USP13: variants seen among roughly 807,000 people sequenced by gnomAD.
The protein encoded by USP13 is ubiquitin carboxyl-terminal hydrolase 13.
Under a neutral mutation model 107.8 loss-of-function variants are expected in USP13, and 68 were observed. The observed-to-expected ratio is 0.63, with a 90% CI of 0.52 to 0.77. The LOEUF (loss-of-function observed/expected upper bound fraction) is 0.77. Ranked by LOEUF, USP13 falls within the 30% of genes least tolerant of loss-of-function variation. The probability of loss-of-function intolerance (pLI) is 0.00; values close to 1 mark genes in which losing one functional copy is unlikely to be tolerated. For missense variants in USP13, 945 were observed against 1,093.3 expected (o/e 0.86, Z 1.91); for synonymous variants, 377 against 389.5 (o/e 0.97, Z 0.38).
Position 179,664,916 on chromosome 3 carries a change from C to T in USP13, c.168+11523C>T, listed in dbSNP as rs149403088. ...CAGCCTGGCCAACATGGTGAAACTC[C>T]GTCTCTACTAAAAATACAAAACTTA... On this transcript the variant is annotated intron_variant, in intron 1 of 20. Transcript: ENST00000263966. Among the ~76,000 whole-genome samples the T allele has an allele frequency of 5.3e-5, 8 of 152,072 alleles. No individual in the cohort carries two copies. The East Asian group carries it at 1.4e-3, about 26-fold the overall frequency.
Position 179,653,188 on chromosome 3 carries a change from C to G in USP13, c.-38C>G. 1 of 1,243,398 alleles carries G rather than the reference C, an allele frequency of 8.0e-7. No individual in the cohort carries two copies. The highest frequency in any genetic ancestry group is 1.0e-6 in the Non-Finnish European group (1 of 988,734). 77.0% of individuals were successfully genotyped at this position (1,243,398 alleles called of 1,614,324 possible). Reference sequence around the variant, plus strand: ...CGCCGGCAGACCCCGCGCTCCGGCTCCGGCTCGGCTCGCTCGGCTCCGGTG... The same window carrying G: ...CGCCGGCAGACCCCGCGCTCCGGCTGCGGCTCGGCTCGCTCGGCTCCGGTG... On this transcript the variant is annotated 5_prime_UTR_variant, in exon 1 of 21. Transcript: ENST00000263966. The surrounding 1 kb of genome is among the most constrained non-coding windows in gnomAD (Gnocchi z 4.0).
intron 8 of USP13, among the ~76,000 whole-genome samples, chr3:179,728,906 T>TACCC (rs138576420): frequency 0.23 from 34,861 of 151,418 alleles, 4,293 homozygotes; most frequent in Admixed American, 0.32. Context: ...CAGGCAGCAG[T>TACCC]ACCGTCCAGC....
chr3:179,774,322 A>C (rs980682379), intron 19 of USP13, among the ~76,000 whole-genome samples: 1 of 152,172 alleles, frequency 6.6e-6, no homozygotes, highest in African/African-American at 2.4e-5. Flanking sequence ...GGTCTCACTG[A>C]CTTCGAGAAT....
chr3:179,688,366 C>A (rs1711971641), intron 2 of USP13, among the ~76,000 whole-genome samples: 2 of 152,174 alleles, frequency 1.3e-5, no homozygotes, highest in South Asian at 4.1e-4. Context: ...TTTTTTGAAT[C>A]TTTCTTAGCA....
chr3:179,765,986 T>C, intron 19 of USP13, 138 bp downstream of exon 19: 3 of 1,067,824 alleles, frequency 2.8e-6, no homozygotes, highest in Non-Finnish European at 3.8e-6. Flanking sequence ...CGTTTTTTTT[T>C]TTTTTCTTTT....
intron 19 of USP13, among the ~76,000 whole-genome samples, chr3:179,773,859 G>C (rs574916473): frequency 6.6e-6 from 1 of 152,220 alleles, no homozygotes; most frequent in African/African-American, 2.4e-5. Flanking sequence ...TGTTCTACTG[G>C]ACAGAATTTT....
rs543058279 is a variant in USP13 at position 179,748,638 on chromosome 3, A to G, written c.1709+3421A>G. 1.3e-4 allele frequency among the ~76,000 whole-genome samples: 20 copies of G among 152,340 alleles called. No homozygotes were observed. In the South Asian group the frequency reaches 4.1e-3, roughly 32 times the overall value. On this transcript the variant is annotated intron_variant, in intron 13 of 20. Coordinates refer to ENST00000263966, the MANE Select transcript of USP13 (RefSeq NM_003940.3). ...ATTCACCCAGCAAATATTATTGCTC[A>G]CTTAGTATATTCTAGGCAATGGGTT... is the stretch of plus-strand genomic sequence containing the variant.
At chr3:179,758,418 G>T (rs1473362417) in intron 16 of USP13, among the ~76,000 whole-genome samples, 6 of 152,038 alleles carry the variant, frequency 3.9e-5, no homozygotes, top group Non-Finnish European at 7.4e-5. Flanking sequence ...TTTCCTCCTG[G>T]ATCTAAGCAT....
chr3:179,774,298 A>G (rs1375982743), intron 19 of USP13, among the ~76,000 whole-genome samples: 2 of 152,152 alleles, frequency 1.3e-5, no homozygotes, highest in Non-Finnish European at 2.9e-5. Flanking sequence ...TATGTCCGGA[A>G]TTGGTGGGTT....
At chr3:179,756,064 G>T (rs1315340953) in intron 15 of USP13, among the ~76,000 whole-genome samples, 1 of 152,230 alleles carries the variant, frequency 6.6e-6, no homozygotes, top group Non-Finnish European at 1.5e-5. Flanking sequence ...TGGTTTATTA[G>T]TACTGCTCCA....
chr3:179,718,751 T>G (rs1210428903), intron 6 of USP13, among the ~76,000 whole-genome samples: 1 of 152,032 alleles, frequency 6.6e-6, no homozygotes, highest in Non-Finnish European at 1.5e-5. Context: ...GGGCTCAAGA[T>G]TCTGCATTTC....
chr3:179,712,900 A>G (rs1004522773), intron 6 of USP13, among the ~76,000 whole-genome samples: 3 of 151,736 alleles, frequency 2.0e-5, no homozygotes, highest in Admixed American at 6.6e-5. Flanking sequence ...CTAATCTGGT[A>G]TCTTGTTTTA....
Position 179,784,457 on chromosome 3 carries a change from C to A in USP13, c.*316C>A. 1 of 217,438 alleles carries A rather than the reference C, an allele frequency of 4.6e-6. No individual in the cohort carries two copies. The highest frequency in any genetic ancestry group is 9.1e-6 in the Non-Finnish European group (1 of 109,356). The allele number at this position is 217,438 out of a possible 1,614,324, so 13.5% of individuals were successfully genotyped here. ...CACATCAAAAATGGGGATGTGCCCC[C>A]AGCCCTCTATTTTGCTTTGGGGGTC... On this transcript the variant is annotated 3_prime_UTR_variant, in exon 21 of 21. Transcript: ENST00000263966.
intron 19 of USP13, among the ~76,000 whole-genome samples, chr3:179,780,539 G>A (rs1055440299): frequency 3.3e-5 from 5 of 152,104 alleles, no homozygotes; most frequent in African/African-American, 4.8e-5. Context: ...GGATAGGGGG[G>A]GAAGAAGAAG....
chr3:179,720,361 G>A (rs1203971684), intron 7 of USP13, among the ~76,000 whole-genome samples: 1 of 152,128 alleles, frequency 6.6e-6, no homozygotes, highest in Non-Finnish European at 1.5e-5. Context: ...GATGGTGTAG[G>A]GAGATGACCT....
At chr3:179,671,526 A>G (rs73052578) in intron 1 of USP13, among the ~76,000 whole-genome samples, 12,709 of 152,196 alleles carry the variant, frequency 0.084, 792 homozygotes, top group African/African-American at 0.17. Context: ...CATGTATATT[A>G]TAACATCATA....
intron 1 of USP13, among the ~76,000 whole-genome samples, chr3:179,674,400 A>C (rs1311806863): frequency 1.3e-5 from 2 of 152,226 alleles, no homozygotes; most frequent in Non-Finnish European, 2.9e-5. Context: ...ACACAAAACA[A>C]AAAACAAAAA....
At chr3:179,736,014 T>G (rs1037412164) in intron 10 of USP13, among the ~76,000 whole-genome samples, 1 of 152,188 alleles carries the variant, frequency 6.6e-6, no homozygotes, top group Non-Finnish European at 1.5e-5. Context: ...CCATCCAGCC[T>G]GGGCAACAGC....
chr3:179,715,760 C>T (rs1272530724), intron 6 of USP13, among the ~76,000 whole-genome samples: 1 of 152,092 alleles, frequency 6.6e-6, no homozygotes, highest in African/African-American at 2.4e-5. Context: ...TGTGAACTCC[C>T]GGTGGAGAGA....
Sources: gnomAD v4.1 joint callset for allele counts (sites outside exome capture counted in the v4.1 genomes callset) on GRCh38, gnomAD v4.1.1 for gene constraint, Gnocchi (gnomAD v3.1) non-coding constraint, MANE v1.5 for transcripts, NCBI Gene and HGNC (gene_info 2026-07-23, HGNC 2026-07-21) for gene names.